CHCHD6: variants seen among roughly 807,000 people sequenced by gnomAD.
CHCHD6 encodes coiled-coil-helix-coiled-coil-helix domain containing 6, also known as MICOS complex subunit MIC25.
A neutral mutation model predicts 32.3 loss-of-function variants in CHCHD6; 28 were observed. That is an observed-to-expected ratio of 0.87 (90% CI 0.64 to 1.19). CHCHD6 has a LOEUF of 1.19. CHCHD6 is among the 50% of genes most tolerant of loss of function. The pLI, the probability that CHCHD6 is intolerant of heterozygous loss-of-function variation, is 0.00. For synonymous variants in CHCHD6, 122 were observed against 117.5 expected, an observed-to-expected ratio of 1.04 and a Z score of -0.25; for missense variants, 333 against 307.0, an observed-to-expected ratio of 1.08 and a Z score of -0.63.
rs1298746609 is a variant in CHCHD6 at position 126,771,682 on chromosome 3, G to C, written c.411+38460G>C. Among the ~76,000 whole-genome samples the C allele has an allele frequency of 2.6e-5, 4 of 152,050 alleles. No homozygotes were observed. The South Asian group carries it at 8.3e-4, about 32-fold the overall frequency. On this transcript the variant is annotated intron_variant, in intron 4 of 7. Transcript: ENST00000290913. ...AGGTTATTTTTTGTCTTCCAGCTTT[G>C]GGGCTATTTTGCTCTTGCTTCTCTG...
At chr3:126,934,395 T>C (rs965866288) in intron 6 of CHCHD6, among the ~76,000 whole-genome samples, 1 of 152,136 alleles carries the variant, frequency 6.6e-6, no homozygotes. Context: ...AATTGGCTAA[T>C]GACAGCTGCC....
intron 6 of CHCHD6, among the ~76,000 whole-genome samples, chr3:126,950,392 C>T (rs1196496698): frequency 2.8e-4 from 43 of 152,216 alleles, no homozygotes. Context: ...ACTAGAATGT[C>T]TATGAATTGA....
At chr3:126,780,495 A>C in intron 4 of CHCHD6, 2 of 218,538 alleles carry the variant, frequency 9.2e-6, no homozygotes, top group Non-Finnish European at 9.4e-6. Flanking sequence ...ACAAAATAGT[A>C]TTTTCTGTAC....
At chr3:126,729,707 C>T (rs1274549968) in intron 2 of CHCHD6, among the ~76,000 whole-genome samples, 1 of 152,106 alleles carries the variant, frequency 6.6e-6, no homozygotes, top group African/African-American at 2.4e-5. Context: ...GAAGTGCCCC[C>T]CGAAGGATCC....
chr3:126,782,231 T>C (rs532295827), intron 4 of CHCHD6, among the ~76,000 whole-genome samples: 2 of 152,226 alleles, frequency 1.3e-5, no homozygotes. Context: ...TAGTGAGTAA[T>C]TGAATAATGA....
intron 4 of CHCHD6, among the ~76,000 whole-genome samples, chr3:126,743,810 G>A (rs1936383504): frequency 6.6e-6 from 1 of 152,210 alleles, no homozygotes; most frequent in Non-Finnish European, 1.5e-5. Flanking sequence ...CTTGAGAGAA[G>A]TCCAGGCCAG....
chr3:126,904,344 A>G (rs1559913700), intron 5 of CHCHD6, among the ~76,000 whole-genome samples: 2 of 152,142 alleles, frequency 1.3e-5, no homozygotes, highest in African/African-American at 4.8e-5. Flanking sequence ...GTCAAGGTCC[A>G]CCATAGAGGT....
chr3:126,751,722 G>A lies in CHCHD6; in HGVS notation c.411+18500G>A, dbSNP rs1241061589. Among the ~76,000 whole-genome samples the A allele has an allele frequency of 6.6e-5, 10 of 152,208 alleles. No individual in the cohort carries two copies. The South Asian group carries it at 1.9e-3, about 28-fold the overall frequency. ...GCAGCATGGTGTGAATTCAGGAGCC[G>A]GGTTGCCTGGGGTCGAATCCTGCTT... On this transcript the variant is annotated intron_variant, in intron 4 of 7. Transcript: ENST00000290913.
intron 4 of CHCHD6, among the ~76,000 whole-genome samples, chr3:126,815,918 ACT>A (rs898033949): frequency 6.6e-6 from 1 of 151,968 alleles, no homozygotes; most frequent in African/African-American, 2.4e-5. Flanking sequence ...TTTGCAGAAC[ACT>A]CACAGCTTCA....
chr3:126,924,359 A>G (rs1447359481), intron 6 of CHCHD6, among the ~76,000 whole-genome samples: 1 of 152,250 alleles, frequency 6.6e-6, no homozygotes, highest in Non-Finnish European at 1.5e-5. Flanking sequence ...AAAAGGGTCA[A>G]CAGGGACTAT....
chr3:126,751,363 G>T (rs991904699), intron 4 of CHCHD6, among the ~76,000 whole-genome samples: 6 of 151,962 alleles, frequency 3.9e-5, no homozygotes, highest in East Asian at 1.9e-4. Flanking sequence ...TTAGCCAGGC[G>T]TGATGGTGTA....
At chr3:126,814,616 C>G (rs748468835) in intron 4 of CHCHD6, among the ~76,000 whole-genome samples, 50 of 152,328 alleles carry the variant, frequency 3.3e-4, no homozygotes, top group Non-Finnish European at 5.0e-4. Flanking sequence ...GATAACCGAA[C>G]ACTTAGAAGT....
chr3:126,824,324 G>A (rs1940285145), intron 4 of CHCHD6, among the ~76,000 whole-genome samples: 1 of 151,772 alleles, frequency 6.6e-6, no homozygotes, highest in African/African-American at 2.4e-5. Context: ...TACTTTGGGA[G>A]GCTGAGGTGT....
At chr3:126,920,509 G>C (rs1294155726) in intron 6 of CHCHD6, among the ~76,000 whole-genome samples, 1 of 151,918 alleles carries the variant, frequency 6.6e-6, no homozygotes, top group Non-Finnish European at 1.5e-5. Context: ...TTGTTTTCTC[G>C]GCTCTGCGAG....
At chr3:126,914,267 T>C (rs1399543076) in intron 5 of CHCHD6, among the ~76,000 whole-genome samples, 1 of 152,194 alleles carries the variant, frequency 6.6e-6, no homozygotes, top group Non-Finnish European at 1.5e-5. Context: ...TCTTTAAAGA[T>C]AGTAAGTATT....
At chr3:126,812,973 T>C (rs929060712) in intron 4 of CHCHD6, among the ~76,000 whole-genome samples, 1 of 152,184 alleles carries the variant, frequency 6.6e-6, no homozygotes. Context: ...TCTTGCCTTA[T>C]GTATTATAAA....
chr3:126,864,112 ACCACCATCACCACCTCCT>A (rs1942129813), intron 5 of CHCHD6, among the ~76,000 whole-genome samples: 1 of 116,918 alleles, frequency 8.6e-6, no homozygotes, highest in South Asian at 2.9e-4. Context: ...CACATCCTCC[ACCACCATCACCACCTCCT>A]CCACCATTAC....
intron 4 of CHCHD6, among the ~76,000 whole-genome samples, chr3:126,829,840 A>G (rs1008015935): frequency 6.6e-6 from 1 of 152,108 alleles, no homozygotes; most frequent in Admixed American, 6.5e-5. Context: ...GCTCACACCT[A>G]TAATCCCAGC....
chr3:126,784,560 G>C (rs1354410489), intron 4 of CHCHD6, among the ~76,000 whole-genome samples: 1 of 152,142 alleles, frequency 6.6e-6, no homozygotes, highest in African/African-American at 2.4e-5. Context: ...ACTCCACACA[G>C]AGCTGCCCAG....
Sources: gnomAD v4.1 joint callset for allele counts (sites outside exome capture counted in the v4.1 genomes callset) on GRCh38, gnomAD v4.1.1 for gene constraint, MANE v1.5 for transcripts, NCBI Gene and HGNC (gene_info 2026-07-23, HGNC 2026-07-21) for gene names.